Variants in LAMC3 observed in about 807,000 individuals in gnomAD.
The protein encoded by LAMC3 is laminin subunit gamma 3.
Under a neutral mutation model 173.8 loss-of-function variants are expected in LAMC3, and 128 were observed. The ratio of observed to expected loss-of-function variants is 0.74; its 90% confidence interval spans 0.64 to 0.85. LAMC3 has a LOEUF of 0.85. Ranked by LOEUF, LAMC3 falls within the 40% of genes least tolerant of loss-of-function variation. LAMC3 has a pLI of 0.00. For synonymous variants in LAMC3, 897 were observed against 909.1 expected (o/e 0.99, Z 0.24); for missense variants, 2,022 against 2,156.0 (o/e 0.94, Z 1.23).
chr9:131,068,380 GGATGGACTCTTGGC>G (rs1216896391), intron 15 of LAMC3, 149 bp downstream of exon 15: 10 of 808,316 alleles, frequency 1.2e-5, no homozygotes, highest in Admixed American at 2.6e-5. Flanking sequence ...GGGAGCAAAG[GGATGGACTCTTGGC>G]ATCCGACTCA....
chr9:131,047,011 G>A (rs1834178431), intron 8 of LAMC3, among the ~76,000 whole-genome samples: 1 of 152,092 alleles, frequency 6.6e-6, no homozygotes, highest in Admixed American at 6.5e-5. Context: ...CGTTGGGCAG[G>A]ACTCATTTTC....
intron 2 of LAMC3, among the ~76,000 whole-genome samples, chr9:131,030,863 G>A (rs3780280): frequency 0.36 from 54,162 of 152,114 alleles, 11,317 homozygotes; most frequent in East Asian, 0.77. Flanking sequence ...TGTGAGAAAC[G>A]CAAGCTCCCC....
intron 1 of LAMC3, among the ~76,000 whole-genome samples, chr9:131,015,316 G>A (rs1203289102): frequency 6.6e-6 from 1 of 152,142 alleles, no homozygotes; most frequent in Non-Finnish European, 1.5e-5. Context: ...GGTGTTCACA[G>A]CAGTGCCGCC....
chr9:131,077,710 A>C (rs911426333), intron 22 of LAMC3, among the ~76,000 whole-genome samples: 2 of 135,622 alleles, frequency 1.5e-5, no homozygotes, highest in Non-Finnish European at 3.2e-5. Context: ...AAAAAAAAAA[A>C]AAACTATTAT....
At chr9:131,057,885 C>G (rs1829724577) in intron 12 of LAMC3, among the ~76,000 whole-genome samples, 1 of 152,134 alleles carries the variant, frequency 6.6e-6, no homozygotes, top group South Asian at 2.1e-4. Context: ...ATAGTGTCAC[C>G]AGGTTCCTGC....
intron 1 of LAMC3, among the ~76,000 whole-genome samples, chr9:131,024,303 A>G (rs1053761654): frequency 1.3e-5 from 2 of 151,316 alleles, no homozygotes; most frequent in Non-Finnish European, 1.5e-5. Context: ...CCACCACCAC[A>G]CCTGGCTAAT....
intron 23 of LAMC3, 46 bp downstream of exon 23, chr9:131,079,344 C>T (rs1364264122): frequency 6.2e-7 from 1 of 1,610,356 alleles, no homozygotes. Context: ...GAGGTTGGGG[C>T]TACCCTGAAG....
intron 9 of LAMC3, among the ~76,000 whole-genome samples, chr9:131,052,017 C>G (rs369021580): frequency 6.6e-6 from 1 of 152,154 alleles, no homozygotes; most frequent in Non-Finnish European, 1.5e-5. Flanking sequence ...AAGCATGGCC[C>G]GGGGCCCAGA....
chr9:131,031,214 G>A (rs898417016), intron 2 of LAMC3, among the ~76,000 whole-genome samples: 1 of 152,244 alleles, frequency 6.6e-6, no homozygotes, highest in Non-Finnish European at 1.5e-5. Flanking sequence ...AGGGGCTCCT[G>A]GGCGGAATCA....
At chr9:131,018,592 G>A (rs1386796264) in intron 1 of LAMC3, among the ~76,000 whole-genome samples, 1 of 152,168 alleles carries the variant, frequency 6.6e-6, no homozygotes, top group African/African-American at 2.4e-5. Flanking sequence ...TTAGCTGGTG[G>A]TGACACTGCT....
At chr9:131,066,553 G>A (rs1428230421) in intron 13 of LAMC3, among the ~76,000 whole-genome samples, 1 of 152,042 alleles carries the variant, frequency 6.6e-6, no homozygotes, top group African/African-American at 2.4e-5. Flanking sequence ...GGTGATTGAG[G>A]TGCTGCTGGG....
chr9:131,072,581 T>C, intron 18 of LAMC3, 49 bp from the exon 19 acceptor site: 1 of 1,521,710 alleles, frequency 6.6e-7, no homozygotes, highest in Non-Finnish European at 9.0e-7. Flanking sequence ...GGGGCTTTTG[T>C]GTGACATCTC....
rs541929708 is a variant in LAMC3, at chr9:131,047,463, G to A, written c.1520-1557G>A. The stretch of plus-strand genomic sequence containing the variant: ...ATTACAGGTGTGAGCCACCGCACCC[G>A]GCCTCTGGATCCCTTTATGCTCTTG... On this transcript the variant is annotated intron_variant, in intron 8 of 27. Transcript: ENST00000361069. Among the ~76,000 whole-genome samples, 13 of 149,030 alleles carry A rather than the reference G, an allele frequency of 8.7e-5. No individual in the cohort carries two copies. The East Asian group carries it at 1.5e-3, about 17-fold the overall frequency.
chr9:131,027,525 A>T (rs889849227), intron 2 of LAMC3, among the ~76,000 whole-genome samples: 1 of 152,290 alleles, frequency 6.6e-6, no homozygotes, highest in South Asian at 2.1e-4. Flanking sequence ...CTCTAGCTGC[A>T]TTGTCCCATG....
rs1466244241 is a variant in LAMC3 at position 131,066,884 on chromosome 9, C to T, written c.2348-76C>T. ...TCCGGGGAAGGTGGAGGGACGCTTG[C>T]TCTGCTTCACACCCACCCTCATCCC... On this transcript the variant is annotated intron_variant, in intron 13 of 27. Transcript: ENST00000361069. The T allele has an allele frequency of 2.5e-6, 4 of 1,579,632 alleles. No homozygotes were observed. In the Admixed American group the frequency reaches 6.7e-5, roughly 27 times the overall value.
At position 131,049,124 on chromosome 9, in the gene LAMC3, G is replaced by A. The variant is rs1278674483; in HGVS notation, c.1624G>A (p.Ala542Thr). Residue 542 changes from alanine (A) to threonine (T), a missense_variant, in exon 9 of 28, where the codon GCA becomes ACA. Physicochemically the swap from Ala to Thr is moderately conservative, Grantham distance 58 (BLOSUM62 0). Coordinates refer to ENST00000361069, the MANE Select transcript of LAMC3 (RefSeq NM_006059.4). Reference protein sequence around the residue: ...LSPEDEEELTAPEKFLGDQRF... With the variant: ...LSPEDEEELTTPEKFLGDQRF... ...CCCAGAAGACGAGGAGGAGCTCACAGCACCAGGTACCTCCAGCACCAGGTG... is the reference window on the plus strand; with the variant it reads ...CCCAGAAGACGAGGAGGAGCTCACAACACCAGGTACCTCCAGCACCAGGTG... The A allele has an allele frequency of 1.9e-6, 3 of 1,545,188 alleles. No homozygotes were observed. Among genetic ancestry groups the A allele is most frequent in the Non-Finnish European group, 2.6e-6 (3 of 1,141,022 alleles).
chr9:131,009,672 GC>G lies in LAMC3; in HGVS notation c.373+88del. Reference sequence around the variant, plus strand: ...GAGGCTGAGGCCTGAGCTGCTGTGCGCCCAGGTTGGGCTGCAGGACCCAGAT... The same window carrying G: ...GAGGCTGAGGCCTGAGCTGCTGTGCGCCAGGTTGGGCTGCAGGACCCAGAT... On this transcript the variant is annotated intron_variant, in intron 1 of 27. Coordinates refer to ENST00000361069, the MANE Select transcript of LAMC3 (RefSeq NM_006059.4). This position sits in a 1 kb window ranked among gnomAD's most constrained non-coding sequence, Gnocchi z 4.3. The G allele has an allele frequency of 6.7e-7, 1 of 1,495,500 alleles. No homozygotes were observed. Among genetic ancestry groups the G allele is most frequent in the Non-Finnish European group, 9.0e-7 (1 of 1,111,444 alleles). 92.6% of individuals were successfully genotyped at this position (1,495,500 alleles called of 1,614,324 possible). A position where few individuals can be genotyped will look rare whatever the true frequency, so the allele number is the denominator to read the frequency against.
intron 18 of LAMC3, 108 bp downstream of exon 18, chr9:131,071,733 G>A (rs913621210): frequency 1.3e-5 from 16 of 1,188,830 alleles, no homozygotes; most frequent in Middle Eastern, 2.6e-4. Context: ...CAGCCCTGTT[G>A]CCATGGGCCT....
At chr9:131,039,501 T>G (rs1321431461) in intron 6 of LAMC3, among the ~76,000 whole-genome samples, 1 of 150,622 alleles carries the variant, frequency 6.6e-6, no homozygotes, top group African/African-American at 2.5e-5. Context: ...CTGTAGGAGG[T>G]GCTGCATAAG....
Sources: allele counts gnomAD v4.1 joint callset (sites outside exome capture counted in the v4.1 genomes callset), GRCh38; gene constraint gnomAD v4.1.1; non-coding constraint Gnocchi (gnomAD v3.1); transcripts MANE v1.5; gene names NCBI Gene and HGNC (gene_info 2026-07-23, HGNC 2026-07-21).